The following THUMPD2 variants were observed in gnomAD, a reference collection of about 807,000 sequenced individuals.
THUMPD2 encodes the protein THUMP domain 2 tRNA and snRNA guanosine methyltransferase, also known as U6 snRNA (guanine-N(2))-methyltransferase THUMPD2.
THUMPD2 carries 56 observed loss-of-function variants against 49.4 expected under a neutral mutation model. The ratio of observed to expected loss-of-function variants is 1.13; its 90% CI spans 0.91 to 1.41. The LOEUF (loss-of-function observed/expected upper bound fraction) is 1.41, where lower values mean the gene tolerates loss of function less well. THUMPD2 is among the 40% of genes most tolerant of loss of function. The pLI, the probability that THUMPD2 is intolerant of heterozygous loss-of-function variation, is 0.00. For missense variants in THUMPD2, 709 were observed against 594.5 expected, an observed-to-expected ratio of 1.19 and a Z score of -2.00; for synonymous variants, 237 against 205.2, an observed-to-expected ratio of 1.15 and a Z score of -1.32.
At chr2:39,774,613 T>A (rs1678824579) in intron 1 of THUMPD2, among the ~76,000 whole-genome samples, 1 of 152,218 alleles carries the variant, frequency 6.6e-6, no homozygotes, top group South Asian at 2.1e-4. Context: ...AAGATAGGTA[T>A]GATACCTTAA....
chr2:39,743,982 A>C (rs1318383182), intron 9 of THUMPD2, among the ~76,000 whole-genome samples: 1 of 151,406 alleles, frequency 6.6e-6, no homozygotes, highest in African/African-American at 2.4e-5. Context: ...AAGAAAGTTA[A>C]TCTTTCTGTG....
At chr2:39,744,184 G>A (rs1026986717) in intron 9 of THUMPD2, among the ~76,000 whole-genome samples, 186 bp downstream of exon 9, 1 of 151,850 alleles carries the variant, frequency 6.6e-6, no homozygotes, top group East Asian at 1.9e-4. Context: ...AAAATTTATA[G>A]TGTAAGATGA....
rs532833796 is a variant in THUMPD2, at chr2:39,751,182, G to A, written c.1078+4113C>T. On this transcript the variant is annotated intron_variant, in intron 8 of 9. Transcript: ENST00000505747. ...GCAGAATACGGCGTGGGCCATATAA[G>A]ACACCTGGCTAGAACACCAAGGCCA... Among the ~76,000 whole-genome samples, 29 of 152,360 alleles carry A rather than the reference G, an allele frequency of 1.9e-4. 1 individual carries two copies. Among genetic ancestry groups the A allele is most frequent in the African/African-American group, 6.3e-4 (26 of 41,572 alleles).
chr2:39,755,462 T>A (rs1675976535), intron 7 of THUMPD2, 53 bp from the exon 8 acceptor site: 1 of 1,237,674 alleles, frequency 8.1e-7, no homozygotes, highest in Admixed American at 2.7e-5. Context: ...ATATTTCATG[T>A]AGTTAAGAAA....
Position 39,757,345 on chromosome 2 carries a change from G to C in THUMPD2, c.892-1385C>G, listed in dbSNP as rs1676276874. On this transcript the variant is annotated intron_variant, in intron 6 of 9. Coordinates refer to ENST00000505747, the MANE Select transcript of THUMPD2 (RefSeq NM_025264.5). The stretch of plus-strand genomic sequence containing the variant: ...AGCAGAGTCCTCAGTGCACAGCCAG[G>C]TTTCAGTCAGAGCCATATGGTACCT... The C allele has an allele frequency of 2.3e-6, 3 of 1,280,178 alleles. No individual in the cohort carries two copies. The Admixed American group carries it at 6.9e-5, about 29-fold the overall frequency. 79.3% of individuals were successfully genotyped at this position (1,280,178 alleles called of 1,614,324 possible).
chr2:39,744,345 T>C, intron 9 of THUMPD2, 25 bp downstream of exon 9: 1 of 1,457,096 alleles, frequency 6.9e-7, no homozygotes, highest in South Asian at 1.3e-5. Context: ...CTAAAAAAAT[T>C]ATGAAAATAA....
rs556965669 is a variant in THUMPD2, at chr2:39,745,863, T to C, written c.1079-1385A>G. Among the ~76,000 whole-genome samples, 8 of 152,332 alleles carry C rather than the reference T, an allele frequency of 5.3e-5. No individual in the cohort carries two copies. The South Asian group carries it at 6.2e-4, about 12-fold the overall frequency. On this transcript the variant is annotated intron_variant, in intron 8 of 9. Transcript: ENST00000505747. ...AGAACTAAGCAGTGTCATCTTCCAA[T>C]AGAGCATAAAATAATCAAAGCTTTT...
chr2:39,755,408 T>A lies in THUMPD2; in HGVS notation c.965A>T (p.Asp322Val). Residue 322 changes from aspartate (D) to valine (V), a missense_variant and splice_region_variant, in exon 8 of 10, where the codon GAT becomes GTT. Physicochemically the swap from Asp to Val is radical, Grantham distance 152 (BLOSUM62 -3). Transcript: ENST00000505747. ...ILLEAAKEWP[D>V]VYYVGADVSD... ...GACATCAGCACCTACATAATACACATCCTATGGGGAAATAAATATTTTAAG... is the reference window on the plus strand; with the variant it reads ...GACATCAGCACCTACATAATACACAACCTATGGGGAAATAAATATTTTAAG... 6.5e-7 allele frequency: 1 copy of A among 1,537,058 alleles called. No individual in the cohort carries two copies. The highest frequency in any genetic ancestry group is 2.4e-5 in the East Asian group (1 of 41,952).
At chr2:39,773,468 C>G (rs529416834) in intron 1 of THUMPD2, among the ~76,000 whole-genome samples, 2 of 149,472 alleles carry the variant, frequency 1.3e-5, no homozygotes, top group Non-Finnish European at 3.0e-5. Context: ...CAAAGATCTT[C>G]TTTTCTTATT....
At position 39,769,864 on chromosome 2, in the gene THUMPD2, T is replaced by C. The variant is rs571663791; in HGVS notation, c.518A>G (p.Glu173Gly). 1 of 1,608,124 alleles carries C rather than the reference T, an allele frequency of 6.2e-7. No homozygotes were observed. Among genetic ancestry groups the C allele is most frequent in the East Asian group, 2.2e-5 (1 of 44,614 alleles). ...GCTTTTAGTGGTAAAATCTCTTTGC[T>C]CCAGAGTTTCTTCTTTTATTTGTTT... is the stretch of plus-strand genomic sequence containing the variant. ...LEKQIKEETL[E>G]QRDFTTKSEK... The change falls in exon 3 of 10, where the codon GAG becomes GGG. Residue 173 changes from glutamate to glycine, a missense_variant. Physicochemically the swap from Glu to Gly is moderately conservative, Grantham distance 98. Transcript: ENST00000505747.
intron 8 of THUMPD2, among the ~76,000 whole-genome samples, chr2:39,754,731 C>A (rs1168551632): frequency 1.3e-5 from 2 of 152,188 alleles, no homozygotes; most frequent in African/African-American, 4.8e-5. Context: ...ACTGCTGATT[C>A]CCCTTCATTA....
chr2:39,768,330 T>G, intron 4 of THUMPD2, 94 bp downstream of exon 4: 1 of 1,071,754 alleles, frequency 9.3e-7, no homozygotes, highest in Non-Finnish European at 1.4e-6. Context: ...TTTTTATAAC[T>G]GTAAAATAAA....
intron 6 of THUMPD2, chr2:39,757,489 A>T: frequency 4.5e-6 from 5 of 1,099,840 alleles, no homozygotes; most frequent in Non-Finnish European, 6.0e-6. Flanking sequence ...GGAAAAATTT[A>T]AATGCAAATT....
chr2:39,772,761 T>C (rs1401882673), intron 1 of THUMPD2, among the ~76,000 whole-genome samples: 2 of 152,122 alleles, frequency 1.3e-5, no homozygotes, highest in African/African-American at 4.8e-5. Context: ...TTCTAAATAA[T>C]CTCCTAGAAC....
In THUMPD2 at chr2:39,747,450, T is replaced by C. The variant is rs115741753; in HGVS notation, c.1079-2972A>G. ...ACATTAGTCTTAAACACGCAAAATGTAGTCTGACATCTGGATTGGGTCACC... is the reference window on the plus strand; with the variant it reads ...ACATTAGTCTTAAACACGCAAAATGCAGTCTGACATCTGGATTGGGTCACC... On this transcript the variant is annotated intron_variant, in intron 8 of 9. Transcript: ENST00000505747. 3.5e-3 allele frequency among the ~76,000 whole-genome samples: 539 copies of C among 152,328 alleles called. 6 individuals are homozygous for C. Among genetic ancestry groups the C allele is most frequent in the African/African-American group, 0.012 (510 of 41,582 alleles).
chr2:39,753,998 T>C (rs752384855), intron 8 of THUMPD2, among the ~76,000 whole-genome samples: 1 of 152,152 alleles, frequency 6.6e-6, no homozygotes, highest in Admixed American at 6.6e-5. Flanking sequence ...GACTGTTTTT[T>C]AAATGAAATC....
In THUMPD2 at chr2:39,736,362, A is replaced by G. The variant is rs186712717; in HGVS notation, c.*373T>C. 4.0e-3 allele frequency: 645 copies of G among 162,530 alleles called. 4 individuals carry two copies. Among genetic ancestry groups the G allele is most frequent in the African/African-American group, 0.014 (596 of 41,970 alleles). 10.1% of individuals were successfully genotyped at this position (162,530 alleles called of 1,614,324 possible). A position where few individuals can be genotyped will look rare whatever the true frequency, so the allele number is the denominator to read the frequency against. On this transcript the variant is annotated 3_prime_UTR_variant, in exon 10 of 10. Coordinates refer to ENST00000505747, the MANE Select transcript of THUMPD2 (RefSeq NM_025264.5). ...AGAAGTTACACATAAAGGTTTTTAC[A>G]TTTCCGAAAATCTGATAGTTAAAAT...
Position 39,755,960 on chromosome 2 carries a change from C to T in THUMPD2, c.892G>A (p.Ala298Thr). ...ATTGGATCTAAAACAAATGCACCAG[C>T]CTGCAGACAGAAATATTAATTTGGT... ...WAMASLADIK[A>T]GAFVLDPMCG... The change falls in exon 7 of 10, where the codon GCT (alanine) becomes ACT (threonine). Residue 298 changes from alanine to threonine, a missense_variant and splice_region_variant. Transcript: ENST00000505747. The T allele has an allele frequency of 6.2e-7, 1 of 1,613,504 alleles. No individual in the cohort carries two copies. The highest frequency in any genetic ancestry group is 8.5e-7 in the Non-Finnish European group (1 of 1,179,624).
intron 2 of THUMPD2, among the ~76,000 whole-genome samples, chr2:39,770,823 C>T (rs1331129363): frequency 6.6e-6 from 1 of 152,054 alleles, no homozygotes; most frequent in Non-Finnish European, 1.5e-5. Context: ...GATTTCTTGC[C>T]ATTTGCATCT....
Sources: gnomAD v4.1 joint callset for allele counts (sites outside exome capture counted in the v4.1 genomes callset) on GRCh38, gnomAD v4.1.1 for gene constraint, MANE v1.5 for transcripts, NCBI Gene and HGNC (gene_info 2026-07-23, HGNC 2026-07-21) for gene names.